The following ABLIM2 variants were observed in gnomAD, a reference collection of about 807,000 sequenced individuals.
The protein encoded by ABLIM2 is actin binding LIM protein family member 2.
ABLIM2 carries 53 observed loss-of-function variants against 97.7 expected under a neutral mutation model. The observed-to-expected ratio is 0.54, with a 90% CI of 0.44 to 0.68. The LOEUF is 0.68. Ranked by LOEUF, ABLIM2 falls within the 30% of genes least tolerant of loss-of-function variation. ABLIM2 has a pLI of 0.00. For synonymous variants in ABLIM2, 361 were observed against 345.8 expected, an observed-to-expected ratio of 1.04 and a Z score of -0.49; for missense variants, 835 against 867.2, an observed-to-expected ratio of 0.96 and a Z score of 0.47.
chr4:8,076,642 G>A lies in ABLIM2; in HGVS notation c.675+986C>T, dbSNP rs528513261. On this transcript the variant is annotated intron_variant, in intron 6 of 20. Transcript: ENST00000447017. Reference sequence around the variant, plus strand: ...CTCGAGACCCCCCTGGTCACCTGTCGCTTCCCCCATGGACCATGGGCCAAT... The same window carrying A: ...CTCGAGACCCCCCTGGTCACCTGTCACTTCCCCCATGGACCATGGGCCAAT... 1.1e-4 allele frequency among the ~76,000 whole-genome samples: 17 copies of A among 151,678 alleles called. 1 individual carries two copies. Among genetic ancestry groups the A allele is most frequent in the South Asian group, 2.1e-4 (1 of 4,758 alleles).
At chr4:7,969,550 A>G (rs1725877278) in intron 20 of ABLIM2, among the ~76,000 whole-genome samples, 1 of 152,154 alleles carries the variant, frequency 6.6e-6, no homozygotes, top group Non-Finnish European at 1.5e-5. Context: ...TCAACTATGA[A>G]AAGTGTAAAC....
chr4:7,973,075 C>CTCTGTGTGTGTGTG (rs746286244), intron 20 of ABLIM2, among the ~76,000 whole-genome samples: 4 of 123,978 alleles, frequency 3.2e-5, no homozygotes, highest in African/African-American at 1.2e-4. Context: ...GCTCCCCTTG[C>CTCTGTGTGTGTGTG]TGTGTGTGTG....
At chr4:8,151,078 T>A (rs1028569569) in intron 1 of ABLIM2, among the ~76,000 whole-genome samples, 1 of 152,176 alleles carries the variant, frequency 6.6e-6, no homozygotes, top group African/African-American at 2.4e-5. Flanking sequence ...GTACTTTTTA[T>A]GTGGGGAAAC....
intron 3 of ABLIM2, among the ~76,000 whole-genome samples, chr4:8,089,552 T>C (rs989658052): frequency 7.2e-5 from 11 of 151,982 alleles, no homozygotes; most frequent in African/African-American, 2.4e-4. Flanking sequence ...CTGGCCAGTG[T>C]GGTGAAACCT....
At position 8,054,153 on chromosome 4, in the gene ABLIM2, A is replaced by AG; in HGVS notation, c.822+34dup. 1 of 1,608,828 alleles carries AG rather than the reference A, an allele frequency of 6.2e-7. No individual in the cohort carries two copies. The highest frequency in any genetic ancestry group is 8.5e-7 in the Non-Finnish European group (1 of 1,175,196). On this transcript the variant is annotated intron_variant, in intron 8 of 20. Coordinates refer to ENST00000447017, the MANE Select transcript of ABLIM2 (RefSeq NM_001130083.2). This position sits in a 1 kb window ranked among gnomAD's most constrained non-coding sequence, Gnocchi z 4.9. ...TACAAAGATGGTGCAGGAGCAGTGA[A>AG]GGGTACATCAGAGACACCAGTGAAT...
Position 8,042,609 on chromosome 4 carries a change from G to T in ABLIM2, c.900+2555C>A, listed in dbSNP as rs950138052. On this transcript the variant is annotated intron_variant, in intron 9 of 20. Transcript: ENST00000447017. ...TAACCCCAGCACTGTGGCAGGCCAG[G>T]CGAGTGGATCACCTGAGGTCGGGAG... Among the ~76,000 whole-genome samples the T allele has an allele frequency of 7.9e-5, 12 of 152,320 alleles. No homozygotes were observed. The South Asian group carries it at 2.5e-3, about 32-fold the overall frequency.
rs1273462328 is a variant in ABLIM2, at chr4:8,125,304, A to G, written c.11-18667T>C. ...CATCGCCTGATCCACCGTCATGAAG[A>G]TGCGCTTCTGAGTGTTCTTCTAAGA... On this transcript the variant is annotated intron_variant, in intron 1 of 20. Coordinates refer to ENST00000447017, the MANE Select transcript of ABLIM2 (RefSeq NM_001130083.2). This position sits in a 1 kb window ranked among gnomAD's most constrained non-coding sequence, Gnocchi z 6.2. Among the ~76,000 whole-genome samples the G allele has an allele frequency of 1.3e-5, 2 of 152,182 alleles. No individual in the cohort carries two copies. Among genetic ancestry groups the G allele is most frequent in the Non-Finnish European group, 2.9e-5 (2 of 68,048 alleles).
chr4:8,056,305 C>CTTTTTTTTTT (rs71175456), intron 7 of ABLIM2, among the ~76,000 whole-genome samples: 1 of 128,186 alleles, frequency 7.8e-6, no homozygotes. Context: ...TTCTTTCTTT[C>CTTTTTTTTTT]TTTTTTTTTT....
intron 2 of ABLIM2, 122 bp downstream of exon 2, chr4:8,106,372 T>C (rs1445137753): frequency 7.6e-7 from 1 of 1,313,840 alleles, no homozygotes; most frequent in Non-Finnish European, 1.1e-6. Context: ...AGATTCTGTA[T>C]CTGGAGTGTT....
rs147505898 is a variant in ABLIM2, at chr4:8,027,942, G to A, written c.1169-85C>T. The A allele has an allele frequency of 5.4e-4, 524 of 971,750 alleles. 1 individual carries two copies. The highest frequency in any genetic ancestry group is 1.2e-3 in the Admixed American group (35 of 28,550). The allele number at this position is 971,750 out of a possible 1,614,324, so 60.2% of individuals were successfully genotyped here. A position where few individuals can be genotyped will look rare whatever the true frequency, so the allele number is the denominator to read the frequency against. ...ATATTCCTCATCCCCACTCTGCTAC[G>A]AACACTGTTGCTTCCTCTCTTGAGG... is the stretch of plus-strand genomic sequence containing the variant. On this transcript the variant is annotated intron_variant, in intron 11 of 20. Coordinates refer to ENST00000447017, the MANE Select transcript of ABLIM2 (RefSeq NM_001130083.2).
At chr4:8,104,104 C>T (rs1378135090) in intron 2 of ABLIM2, among the ~76,000 whole-genome samples, 5 of 152,298 alleles carry the variant, frequency 3.3e-5, no homozygotes, top group South Asian at 2.1e-4. Flanking sequence ...CCCAGGCAAT[C>T]GCTCCCTGGC....
intron 4 of ABLIM2, 44 bp from the exon 5 acceptor site, chr4:8,080,846 G>C (rs1819368499): frequency 6.4e-7 from 1 of 1,568,978 alleles, no homozygotes; most frequent in Non-Finnish European, 8.7e-7. Flanking sequence ...ACCATTGTGA[G>C]AGGTGTTGGG....
intron 8 of ABLIM2, among the ~76,000 whole-genome samples, chr4:8,050,262 TAC>T (rs1411613750): frequency 2.0e-5 from 3 of 152,200 alleles, no homozygotes; most frequent in Non-Finnish European, 4.4e-5. Flanking sequence ...TCCAGTATTT[TAC>T]AGTTTCACTC....
intron 1 of ABLIM2, among the ~76,000 whole-genome samples, chr4:8,107,484 G>C (rs779914700): frequency 9.9e-5 from 15 of 152,236 alleles, no homozygotes; most frequent in Non-Finnish European, 2.1e-4. Flanking sequence ...AGGAGGAGTT[G>C]GTAGATGGAG....
intron 16 of ABLIM2, among the ~76,000 whole-genome samples, chr4:8,000,008 T>C (rs2150159178): frequency 6.6e-6 from 1 of 152,312 alleles, no homozygotes; most frequent in East Asian, 1.9e-4. Flanking sequence ...CATCCGGGTC[T>C]GCTTTGTGGA....
intron 1 of ABLIM2, 94 bp downstream of exon 1, chr4:8,158,586 G>A (rs1008474481): frequency 1.2e-5 from 17 of 1,416,688 alleles, no homozygotes; most frequent in Admixed American, 6.8e-5. Flanking sequence ...GATTTTCCCC[G>A]GCGTTGCAGG....
intron 12 of ABLIM2, among the ~76,000 whole-genome samples, chr4:8,024,416 G>A (rs1042006318): frequency 3.3e-5 from 5 of 152,296 alleles, no homozygotes; most frequent in African/African-American, 1.2e-4. Context: ...TCGGTGGGGG[G>A]TGGGGCCAGG....
intron 2 of ABLIM2, among the ~76,000 whole-genome samples, chr4:8,103,921 A>T (rs929515475): frequency 2.6e-5 from 4 of 152,240 alleles, no homozygotes; most frequent in African/African-American, 9.6e-5. Context: ...ATAGGCTTTT[A>T]AAAAGAGGCA....
At chr4:7,995,713 G>A (rs1054746456) in intron 16 of ABLIM2, among the ~76,000 whole-genome samples, 8 of 152,212 alleles carry the variant, frequency 5.3e-5, no homozygotes, top group South Asian at 2.1e-4. Context: ...TTCTCCTAGC[G>A]GAGGAACTCC....
Sources: allele counts gnomAD v4.1 joint callset (sites outside exome capture counted in the v4.1 genomes callset), GRCh38; gene constraint gnomAD v4.1.1; non-coding constraint Gnocchi (gnomAD v3.1); transcripts MANE v1.5; gene names NCBI Gene and HGNC (gene_info 2026-07-23, HGNC 2026-07-21).